C7orf57: variants seen among roughly 807,000 people sequenced by gnomAD.
The protein encoded by C7orf57 is uncharacterized protein C7orf57.
A neutral mutation model predicts 39.0 loss-of-function variants in C7orf57; 33 were observed. The observed-to-expected ratio is 0.85, with a 90% confidence interval of 0.64 to 1.13. The LOEUF (loss-of-function observed/expected upper bound fraction) is 1.13, where lower values mean the gene tolerates loss of function less well. Among genes scored for constraint, C7orf57 ranks in the 50% most tolerant of loss-of-function variants. C7orf57 has a pLI of 0.00. For missense variants in C7orf57, 346 were observed against 362.3 expected (o/e 0.95, Z 0.37); for synonymous variants, 124 against 137.1 (o/e 0.90, Z 0.67).
At chr7:48,051,768 TTCTTTCTTTCTTTC>T (rs1478304457) in intron 6 of C7orf57, among the ~76,000 whole-genome samples, 1 of 82,580 alleles carries the variant, frequency 1.2e-5, no homozygotes, top group African/African-American at 3.8e-5. Flanking sequence ...CTTTCTTTCT[TTCTTTCTTTCTTTC>T]TTTCTTTCTT....
intron 2 of C7orf57, among the ~76,000 whole-genome samples, chr7:48,040,548 C>CATGA (rs1201866306): frequency 6.6e-6 from 1 of 152,152 alleles, no homozygotes; most frequent in African/African-American, 2.4e-5. Flanking sequence ...TGGCCTCAGG[C>CATGA]ATGAGCAAAG....
intron 6 of C7orf57, 41 bp from the exon 7 acceptor site, chr7:48,052,659 C>T (rs1438515776): frequency 6.5e-7 from 1 of 1,539,484 alleles, no homozygotes. Flanking sequence ...TTATCATTAA[C>T]CCTTGTACTT....
At chr7:48,048,449 C>G (rs918750094) in intron 5 of C7orf57, among the ~76,000 whole-genome samples, 1 of 152,318 alleles carries the variant, frequency 6.6e-6, no homozygotes, top group African/African-American at 2.4e-5. Context: ...TGCTCACCTA[C>G]AGGGTGATCG....
rs944210809 is a variant in C7orf57, at chr7:48,041,606, T to A, written c.241+87T>A. 3 of 1,122,824 alleles carry A rather than the reference T, an allele frequency of 2.7e-6. No homozygotes were observed. In the Admixed American group the frequency reaches 8.5e-5, roughly 32 times the overall value. 69.6% of individuals were successfully genotyped at this position (1,122,824 alleles called of 1,614,324 possible). A position where few individuals can be genotyped will look rare whatever the true frequency, so the allele number is the denominator to read the frequency against. On this transcript the variant is annotated intron_variant, in intron 3 of 8. Transcript: ENST00000348904. ...TCCTAATTTCTTCCATATAAAAATA[T>A]TACTACAGAGTCTGTATGTTTAGCT...
chr7:48,050,337 C>T (rs1462473309), intron 6 of C7orf57, among the ~76,000 whole-genome samples: 2 of 152,178 alleles, frequency 1.3e-5, no homozygotes, highest in South Asian at 2.1e-4. Flanking sequence ...CAGGTCCTGA[C>T]GTTTCTGTGT....
chr7:48,053,286 C>A (rs565401043), intron 7 of C7orf57, among the ~76,000 whole-genome samples: 8 of 152,198 alleles, frequency 5.3e-5, no homozygotes, highest in African/African-American at 1.9e-4. Flanking sequence ...CATAAGCAGC[C>A]GGTACTTTTT....
At chr7:48,039,202 T>C (rs1280805344) in intron 2 of C7orf57, among the ~76,000 whole-genome samples, 1 of 152,242 alleles carries the variant, frequency 6.6e-6, no homozygotes, top group Non-Finnish European at 1.5e-5. Flanking sequence ...TTTCGAACTA[T>C]GTCAAAGAAG....
chr7:48,043,924 C>T lies in C7orf57; in HGVS notation c.350+335C>T, dbSNP rs368374823. 7.2e-5 allele frequency among the ~76,000 whole-genome samples: 11 copies of T among 152,148 alleles called. No individual in the cohort carries two copies. In the South Asian group the frequency reaches 1.9e-3, roughly 26 times the overall value. On this transcript the variant is annotated intron_variant, in intron 4 of 8. Coordinates refer to ENST00000348904, the MANE Select transcript of C7orf57 (RefSeq NM_001100159.3). ...TTCCAAGATGGTGGTGGGCTGCTCT[C>T]AAGATGGTGGCAAGCCTTTTGTTCT...
At chr7:48,049,026 C>A (rs1026290713) in intron 5 of C7orf57, among the ~76,000 whole-genome samples, 3 of 152,202 alleles carry the variant, frequency 2.0e-5, no homozygotes, top group East Asian at 3.9e-4. Flanking sequence ...CCGAGTTAAC[C>A]CCCCTCCGGG....
At position 48,052,669 on chromosome 7, in the gene C7orf57, TAA is replaced by T. The variant is rs770354810; in HGVS notation, c.606-30_606-29del. On this transcript the variant is annotated intron_variant, in intron 6 of 8. Transcript: ENST00000348904. Reference sequence around the variant, plus strand: ...CTGCTTTATCATTAACCCTTGTACTTAAGTTTCACATTACTTTTACTCTTTTT... The same window carrying T: ...CTGCTTTATCATTAACCCTTGTACTTGTTTCACATTACTTTTACTCTTTTT... 1.9e-6 allele frequency: 3 copies of T among 1,579,446 alleles called. No individual in the cohort carries two copies. In the South Asian group the frequency reaches 3.3e-5, roughly 18 times the overall value.
intron 6 of C7orf57, among the ~76,000 whole-genome samples, chr7:48,051,659 CCTTT>C (rs766844768): frequency 1.2e-4 from 17 of 142,830 alleles, no homozygotes; most frequent in East Asian, 6.2e-4. Context: ...TTCCTCCCTT[CCTTT>C]CTTCCTTTCT....
chr7:48,039,671 A>G (rs1409915681), intron 2 of C7orf57, among the ~76,000 whole-genome samples: 1 of 152,210 alleles, frequency 6.6e-6, no homozygotes, highest in Non-Finnish European at 1.5e-5. Context: ...ATATCTGAGT[A>G]CCATGGTCCA....
At chr7:48,051,816 TC>T (rs1207062053) in intron 6 of C7orf57, among the ~76,000 whole-genome samples, 2 of 46,918 alleles carry the variant, frequency 4.3e-5, no homozygotes, top group African/African-American at 1.1e-4. Flanking sequence ...CCTTTTCTCT[TC>T]TCTTTCTTTC....
chr7:48,052,036 C>T (rs1264057009), intron 6 of C7orf57, among the ~76,000 whole-genome samples: 5 of 149,166 alleles, frequency 3.4e-5, no homozygotes, highest in African/African-American at 4.9e-5. Flanking sequence ...TGCAGTGGCA[C>T]GATCTTGGCT....
Position 48,049,962 on chromosome 7 carries a change from T to C in C7orf57, c.590T>C (p.Leu197Pro), listed in dbSNP as rs769210792. Residue 197 changes from leucine (L) to proline (P), a missense_variant, in exon 6 of 9, where the codon CTC (leucine) becomes CCC (proline). Leu to Pro is a moderately conservative substitution (Grantham distance 98). Coordinates refer to ENST00000348904, the MANE Select transcript of C7orf57 (RefSeq NM_001100159.3). ...LGPKNPAGSR[L>P]SFPPVPGQKN... is the part of the protein sequence containing the mutation. ...CCTAAGAATCCTGCAGGAAGTAGAC[T>C]CTCCTTCCCCCCCGTGTAAGTGCTT... 3 of 1,611,252 alleles carry C rather than the reference T, an allele frequency of 1.9e-6. No individual in the cohort carries two copies. The highest frequency in any genetic ancestry group is 8.5e-7 in the Non-Finnish European group (1 of 1,177,664).
chr7:48,039,131 A>G (rs1371183218), intron 2 of C7orf57, among the ~76,000 whole-genome samples: 1 of 152,198 alleles, frequency 6.6e-6, no homozygotes, highest in Admixed American at 6.5e-5. Context: ...AGAGCTGGAA[A>G]AGGAAGGGGA....
At chr7:48,050,001 ACTGT>A (rs746388998) in intron 6 of C7orf57, 24 bp downstream of exon 6, 1 of 1,509,668 alleles carries the variant, frequency 6.6e-7, no homozygotes, top group Admixed American at 1.7e-5. Context: ...CTACGCCCTC[ACTGT>A]CTGGACTGGG....
intron 4 of C7orf57, 43 bp downstream of exon 4, chr7:48,043,632 GA>G: frequency 4.2e-6 from 6 of 1,441,246 alleles, no homozygotes; most frequent in Admixed American, 3.8e-5. Flanking sequence ...ATCTTTACAG[GA>G]AAAAAATAGC....
chr7:48,038,958 T>C (rs1790467386), intron 2 of C7orf57, among the ~76,000 whole-genome samples: 1 of 152,138 alleles, frequency 6.6e-6, no homozygotes, highest in South Asian at 2.1e-4. Flanking sequence ...ACGGAATCGA[T>C]AGAAAGGAGT....
Sources: allele counts gnomAD v4.1 joint callset (sites outside exome capture counted in the v4.1 genomes callset), GRCh38; gene constraint gnomAD v4.1.1; transcripts MANE v1.5; gene names NCBI Gene and HGNC (gene_info 2026-07-23, HGNC 2026-07-21).